The following RTL4 variants were observed in gnomAD, a reference collection of about 807,000 sequenced individuals.
The protein encoded by RTL4 is retrotransposon Gag like 4.
In RTL4, 4 loss-of-function variants were observed where a neutral mutation model predicts 5.3. That is an observed-to-expected ratio of 0.75 (90% confidence interval 0.37 to 1.72). RTL4 has a LOEUF of 1.72. Among genes scored for constraint, RTL4 ranks in the 40% most tolerant of loss-of-function variants. The pLI is 0.04. For synonymous variants in RTL4, 98 were observed against 87.3 expected, an observed-to-expected ratio of 1.12 and a Z score of -0.68; for missense variants, 260 against 227.1, an observed-to-expected ratio of 1.14 and a Z score of -0.93.
the RTL4 span, among the ~76,000 whole-genome samples, chrX:112,307,056 TC>T: frequency 1.8e-5 from 2 of 111,957 alleles, no homozygotes; most frequent in Non-Finnish European, 3.8e-5. Context: ...GGCCTACTAT[TC>T]TCCACAGTTT....
chrX:112,322,322 T>C, the RTL4 span, among the ~76,000 whole-genome samples: 1 of 106,253 alleles, frequency 9.4e-6, no homozygotes, highest in Admixed American at 1.0e-4. Context: ...CATCTTTTCA[T>C]TAATGATTTG....
chrX:112,366,555 A>G, the RTL4 span, among the ~76,000 whole-genome samples: 1 of 111,650 alleles, frequency 9.0e-6, no homozygotes, highest in Admixed American at 9.5e-5. Flanking sequence ...CTCTTTGGAG[A>G]TAAGTATTTG....
chrX:112,165,581 ATC>A, the RTL4 span, among the ~76,000 whole-genome samples: 4 of 109,697 alleles, frequency 3.6e-5, no homozygotes, highest in East Asian at 2.9e-4. Context: ...ACTGACTTAA[ATC>A]TCTCTCTCTC....
chrX:112,179,748 G>T, the RTL4 span, among the ~76,000 whole-genome samples: 1 of 112,114 alleles, frequency 8.9e-6, no homozygotes, highest in Non-Finnish European at 1.9e-5. Flanking sequence ...ATTACAAACA[G>T]CATATATAAT....
At chrX:112,298,120 T>C in the RTL4 span, among the ~76,000 whole-genome samples, 1 of 111,715 alleles carries the variant, frequency 9.0e-6, no homozygotes, top group Non-Finnish European at 1.9e-5. Context: ...GGTTCGACTT[T>C]AGGCAAATTA....
the RTL4 span, among the ~76,000 whole-genome samples, chrX:112,194,700 G>A: frequency 8.9e-6 from 1 of 111,911 alleles, no homozygotes; most frequent in Admixed American, 9.5e-5. Context: ...AGAGCAGAGT[G>A]GGAACAGGAA....
At chrX:112,380,923 A>G in the RTL4 span, among the ~76,000 whole-genome samples, 1 of 111,900 alleles carries the variant, frequency 8.9e-6, no homozygotes, top group East Asian at 2.8e-4. Flanking sequence ...GGGCTCACAC[A>G]GCAAGAAAAC....
chrX:112,373,951 A>G, the RTL4 span, among the ~76,000 whole-genome samples: 1 of 110,518 alleles, frequency 9.0e-6, no homozygotes, highest in Non-Finnish European at 1.9e-5. Flanking sequence ...TCCATGTTTT[A>G]TCAGTAGTTT....
the RTL4 span, among the ~76,000 whole-genome samples, chrX:112,422,750 C>T: frequency 9.1e-6 from 1 of 110,156 alleles, no homozygotes; most frequent in African/African-American, 3.3e-5. Context: ...TAAATTGCTC[C>T]TTTAGTTTCA....
At chrX:112,396,095 A>T in the RTL4 span, among the ~76,000 whole-genome samples, 2 of 111,629 alleles carry the variant, frequency 1.8e-5, no homozygotes, top group African/African-American at 6.5e-5. Context: ...TATTTGACAC[A>T]TAAGGCTTGC....
the RTL4 span, among the ~76,000 whole-genome samples, chrX:112,249,790 T>TAGAGAGAGAG: frequency 1.0e-5 from 1 of 99,795 alleles, no homozygotes; most frequent in African/African-American, 3.9e-5. Flanking sequence ...TATATATATA[T>TAGAGAGAGAG]ATAGAGAGAG....
At chrX:112,381,307 G>T in the RTL4 span, 2 of 1,209,442 alleles carry the variant, frequency 1.7e-6, no homozygotes, top group Non-Finnish European at 2.2e-6. Flanking sequence ...TCCTTCCACC[G>T]TATCATAGTC....
At chrX:112,124,983 C>A in the RTL4 span, among the ~76,000 whole-genome samples, 1 of 110,641 alleles carries the variant, frequency 9.0e-6, no homozygotes, top group Non-Finnish European at 1.9e-5. Context: ...TCACTGAAAC[C>A]TCCAACTTCC....
the RTL4 span, among the ~76,000 whole-genome samples, chrX:112,201,132 CAAG>C: frequency 9.0e-6 from 1 of 111,062 alleles, no homozygotes; most frequent in Non-Finnish European, 1.9e-5. Flanking sequence ...CACAAGGCGG[CAAG>C]AAGAAGTGCT....
the RTL4 span, among the ~76,000 whole-genome samples, chrX:112,330,536 G>C: frequency 9.0e-6 from 1 of 110,877 alleles, no homozygotes; most frequent in Non-Finnish European, 1.9e-5. Flanking sequence ...AACATTCCAT[G>C]CTCATGGGTA....
At chrX:112,238,745 C>G in the RTL4 span, among the ~76,000 whole-genome samples, 1 of 111,326 alleles carries the variant, frequency 9.0e-6, no homozygotes, top group African/African-American at 3.3e-5. Flanking sequence ...AGTATCCAAC[C>G]TGGAACCAAC....
At chrX:112,345,577 G>C in the RTL4 span, among the ~76,000 whole-genome samples, 1 of 111,346 alleles carries the variant, frequency 9.0e-6, no homozygotes, top group Non-Finnish European at 1.9e-5. Flanking sequence ...TCTGGGCCTT[G>C]ATCCCTGACC....
chrX:112,447,429 A>G, the RTL4 span, among the ~76,000 whole-genome samples: 1 of 112,377 alleles, frequency 8.9e-6, no homozygotes, highest in African/African-American at 3.2e-5. Context: ...AAGGTCTCAT[A>G]GGTTGGAATT....
the RTL4 span, among the ~76,000 whole-genome samples, chrX:112,356,580 GT>G: frequency 3.6e-3 from 181 of 50,123 alleles, 1 homozygote; most frequent in African/African-American, 0.024. Flanking sequence ...TTGTTTTGGG[GT>G]GTGTGTGTGT....
Sources: allele counts gnomAD v4.1 joint callset (sites outside exome capture counted in the v4.1 genomes callset), GRCh38; gene constraint gnomAD v4.1.1; transcripts MANE v1.5; gene names NCBI Gene and HGNC (gene_info 2026-07-23, HGNC 2026-07-21).